The following MYO1D variants were observed in gnomAD, a reference collection of about 807,000 sequenced individuals.
The protein encoded by MYO1D is myosin ID, also known as unconventional myosin-Id.
In MYO1D, 83 loss-of-function variants were observed where a neutral mutation model predicts 122.0. That is an observed-to-expected ratio of 0.68 (90% CI 0.57 to 0.82). The LOEUF (loss-of-function observed/expected upper bound fraction) is 0.82. MYO1D is among the 40% of genes least tolerant of loss of function. The pLI is 0.00. For missense variants in MYO1D, 1,157 were observed against 1,269.5 expected (o/e 0.91, Z 1.35); for synonymous variants, 464 against 446.9 (o/e 1.04, Z -0.48).
At chr17:32,846,571 A>T (rs1343050795) in intron 1 of MYO1D, among the ~76,000 whole-genome samples, 1 of 152,256 alleles carries the variant, frequency 6.6e-6, no homozygotes, top group African/African-American at 2.4e-5. Flanking sequence ...GTAATAATTA[A>T]ATAAAAAGGG....
chr17:32,684,271 C>T (rs1414166012), intron 16 of MYO1D: 5 of 153,016 alleles, frequency 3.3e-5, no homozygotes, highest in Non-Finnish European at 7.3e-5. Context: ...GGCTCCTCCC[C>T]CATCTTTTTA....
At chr17:32,588,583 A>C (rs1240498363) in intron 21 of MYO1D, among the ~76,000 whole-genome samples, 1 of 152,182 alleles carries the variant, frequency 6.6e-6, no homozygotes, top group Non-Finnish European at 1.5e-5. Flanking sequence ...AACTTCACAA[A>C]TTTTTATAAC....
chr17:32,844,398 A>AATATATAT (rs982443747), intron 1 of MYO1D, among the ~76,000 whole-genome samples: 87 of 146,978 alleles, frequency 5.9e-4, no homozygotes, highest in Non-Finnish European at 7.0e-4. Flanking sequence ...TACTATATAT[A>AATATATAT]ATATGTATAT....
chr17:32,757,983 A>G (rs982002353), intron 10 of MYO1D, among the ~76,000 whole-genome samples: 4 of 152,124 alleles, frequency 2.6e-5, no homozygotes, highest in African/African-American at 9.7e-5. Context: ...TACAGCATCG[A>G]AAGCTTTTAA....
intron 12 of MYO1D, among the ~76,000 whole-genome samples, chr17:32,746,315 T>C (rs1013577150): frequency 3.9e-5 from 6 of 152,204 alleles, no homozygotes; most frequent in African/African-American, 1.4e-4. Context: ...TACTTCTCTG[T>C]GCTACAAAAA....
chr17:32,744,802 T>C (rs1194097662), intron 13 of MYO1D, among the ~76,000 whole-genome samples: 2 of 152,208 alleles, frequency 1.3e-5, no homozygotes, highest in African/African-American at 4.8e-5. Flanking sequence ...TAGATGCCAC[T>C]CTGATATCAG....
intron 21 of MYO1D, among the ~76,000 whole-genome samples, chr17:32,517,763 A>G (rs200880650): frequency 1.3e-5 from 2 of 152,208 alleles, no homozygotes; most frequent in East Asian, 3.8e-4. Flanking sequence ...CCTTACATAC[A>G]ATTTAATTGA....
intron 20 of MYO1D, among the ~76,000 whole-genome samples, chr17:32,620,552 C>A (rs111820383): frequency 6.6e-6 from 1 of 152,142 alleles, no homozygotes; most frequent in African/African-American, 2.4e-5. Flanking sequence ...GGGAACCCCC[C>A]CCTGCCAAGT....
At chr17:32,556,568 T>G (rs74684354) in intron 21 of MYO1D, among the ~76,000 whole-genome samples, 2,148 of 150,162 alleles carry the variant, frequency 0.014, 45 homozygotes, top group African/African-American at 0.048. Context: ...TTTTTTTTTT[T>G]AAGATGGGAT....
intron 1 of MYO1D, among the ~76,000 whole-genome samples, chr17:32,785,949 C>T (rs1211435761): frequency 6.6e-6 from 1 of 152,138 alleles, no homozygotes; most frequent in African/African-American, 2.4e-5. Flanking sequence ...AAAAAGACAT[C>T]GCCTACAATG....
intron 21 of MYO1D, among the ~76,000 whole-genome samples, chr17:32,580,265 T>C (rs181653129): frequency 7.6e-5 from 11 of 144,866 alleles, no homozygotes; most frequent in African/African-American, 2.5e-4. Context: ...AGAAGTCCAC[T>C]TCTATTGTTA....
At chr17:32,500,218 T>C (rs1306393833) in intron 21 of MYO1D, among the ~76,000 whole-genome samples, 1 of 152,200 alleles carries the variant, frequency 6.6e-6, no homozygotes, top group Non-Finnish European at 1.5e-5. Flanking sequence ...GTCCATCTGC[T>C]GTGTAAATGG....
At chr17:32,706,882 G>C (rs1280212136) in intron 16 of MYO1D, among the ~76,000 whole-genome samples, 1 of 152,024 alleles carries the variant, frequency 6.6e-6, no homozygotes, top group Non-Finnish European at 1.5e-5. Flanking sequence ...ATTTTTAGTA[G>C]AGACGGGGTT....
intron 8 of MYO1D, among the ~76,000 whole-genome samples, chr17:32,762,366 T>A (rs1321455557): frequency 1.3e-5 from 2 of 152,138 alleles, no homozygotes; most frequent in African/African-American, 4.8e-5. Context: ...GCTTCTCTCA[T>A]TCTCCACATA....
intron 1 of MYO1D, among the ~76,000 whole-genome samples, chr17:32,841,777 A>G (rs1235171766): frequency 3.7e-5 from 2 of 53,790 alleles, no homozygotes; most frequent in African/African-American, 5.4e-5. Context: ...CTATTGCAAC[A>G]GGAAGGAAGG....
intron 21 of MYO1D, among the ~76,000 whole-genome samples, chr17:32,591,539 T>C (rs910209697): frequency 1.7e-4 from 26 of 152,138 alleles, no homozygotes; most frequent in African/African-American, 6.3e-4. Context: ...TCTCCATTCC[T>C]TCTTTACCCC....
chr17:32,842,550 C>T (rs1045430666), intron 1 of MYO1D, among the ~76,000 whole-genome samples: 5 of 152,150 alleles, frequency 3.3e-5, no homozygotes, highest in Admixed American at 2.6e-4. Context: ...TCCCCCACTC[C>T]TCATCTGTTC....
chr17:32,790,428 A>C (rs1053266412), intron 1 of MYO1D, among the ~76,000 whole-genome samples: 1 of 152,042 alleles, frequency 6.6e-6, no homozygotes, highest in Non-Finnish European at 1.5e-5. Flanking sequence ...TATCCATCAA[A>C]ATTTCTCTAT....
intron 10 of MYO1D, among the ~76,000 whole-genome samples, chr17:32,755,969 C>G (rs1567625942): frequency 6.6e-6 from 1 of 152,196 alleles, no homozygotes; most frequent in Non-Finnish European, 1.5e-5. Flanking sequence ...AGATCCCACA[C>G]CCAACCCTAC....
Sources: gnomAD v4.1 joint callset for allele counts (sites outside exome capture counted in the v4.1 genomes callset) on GRCh38, gnomAD v4.1.1 for gene constraint, MANE v1.5 for transcripts, NCBI Gene and HGNC (gene_info 2026-07-23, HGNC 2026-07-21) for gene names.